ZFR: variants seen among roughly 807,000 people sequenced by gnomAD.
ZFR encodes zinc finger RNA binding protein, also known as zinc finger RNA-binding protein.
A neutral mutation model predicts 130.7 loss-of-function variants in ZFR; 19 were observed. The observed-to-expected ratio is 0.15, with a 90% confidence interval of 0.10 to 0.21. The LOEUF is 0.21. ZFR is among the 10% of genes least tolerant of loss of function. The pLI is 1.00. For missense variants in ZFR, 872 were observed against 1,321.5 expected (o/e 0.66, Z 5.27); for synonymous variants, 466 against 456.9 (o/e 1.02, Z -0.25).
chr5:32,428,487 T>A (rs1465120513), intron 2 of ZFR, among the ~76,000 whole-genome samples: 1 of 152,090 alleles, frequency 6.6e-6, no homozygotes, highest in African/African-American at 2.4e-5. Context: ...GACAGGAGGA[T>A]CACTTGAGCC....
At chr5:32,432,730 T>C (rs1246909185) in intron 2 of ZFR, among the ~76,000 whole-genome samples, 1 of 152,084 alleles carries the variant, frequency 6.6e-6, no homozygotes, top group Non-Finnish European at 1.5e-5. Flanking sequence ...AATTTAAATT[T>C]AGGTTCCATT....
chr5:32,379,255 T>C (rs2111706509), intron 16 of ZFR, 45 bp from the exon 17 acceptor site: 1 of 1,513,686 alleles, frequency 6.6e-7, no homozygotes, highest in East Asian at 2.3e-5. Flanking sequence ...TTAGAAATAC[T>C]GAATATATCC....
In ZFR at chr5:32,400,136, A is replaced by T; in HGVS notation, c.1584T>A (p.Ser528Arg). 6.2e-7 allele frequency: 1 copy of T among 1,613,056 alleles called. No individual in the cohort carries two copies. The highest frequency in any genetic ancestry group is 1.1e-5 in the South Asian group (1 of 90,936). Residue 528 changes from serine to arginine, a missense_variant, in exon 9 of 20, where the codon AGT (serine) becomes AGA (arginine). By Grantham distance (110) the Ser-to-Arg change is moderately radical. Transcript: ENST00000265069. ...EDIKGTECVK[S>R]TPVTSAVQIP... ...TCTGCACAGCAGAAGTGACAGGAGT[A>T]CTTTTAACACATTCGGTTCCTTTTA...
At chr5:32,358,138 G>A (rs181952421) in intron 19 of ZFR, among the ~76,000 whole-genome samples, 4 of 152,272 alleles carry the variant, frequency 2.6e-5, no homozygotes, top group Non-Finnish European at 5.9e-5. Flanking sequence ...TGGAAGGATC[G>A]CTTAAGTCAG....
At chr5:32,383,219 T>C (rs1029474067) in intron 15 of ZFR, among the ~76,000 whole-genome samples, 2 of 152,198 alleles carry the variant, frequency 1.3e-5, no homozygotes. Flanking sequence ...AGGCTCTGCA[T>C]CCAAAATCCC....
chr5:32,396,657 G>C (rs781768760), intron 10 of ZFR, among the ~76,000 whole-genome samples: 1 of 151,980 alleles, frequency 6.6e-6, no homozygotes, highest in South Asian at 2.1e-4. Context: ...AGAAATGCCT[G>C]AACAGGGACC....
chr5:32,365,752 G>C (rs1159580085), intron 17 of ZFR, among the ~76,000 whole-genome samples: 2 of 151,678 alleles, frequency 1.3e-5, no homozygotes, highest in African/African-American at 4.8e-5. Flanking sequence ...TGGGACAACA[G>C]GCGCAGCCAC....
chr5:32,391,205 T>TA (rs1446961639), intron 11 of ZFR, among the ~76,000 whole-genome samples: 2 of 152,226 alleles, frequency 1.3e-5, no homozygotes, highest in Non-Finnish European at 2.9e-5. Context: ...GTCCACACAG[T>TA]ATACACCCTA....
At position 32,364,148 on chromosome 5, in the gene ZFR, A is replaced by G. The variant is rs776101027; in HGVS notation, c.2947+16T>C. ...TAAACTTCATTTTACTTCATTAAAA[A>G]CAAAGTAAGAGTTACCTTTAAGAAT... is the stretch of plus-strand genomic sequence containing the variant. On this transcript the variant is annotated intron_variant, in intron 18 of 19. Transcript: ENST00000265069. 6.2e-7 allele frequency: 1 copy of G among 1,603,876 alleles called. No homozygotes were observed. Among genetic ancestry groups the G allele is most frequent in the Admixed American group, 1.7e-5 (1 of 58,958 alleles).
chr5:32,356,003 A>G, intron 19 of ZFR, 64 bp from the exon 20 acceptor site: 1 of 1,302,412 alleles, frequency 7.7e-7, no homozygotes, highest in Non-Finnish European at 1.0e-6. Context: ...TACTTACTAC[A>G]TTTACCTCCC....
At chr5:32,436,291 G>C (rs562572882) in intron 2 of ZFR, among the ~76,000 whole-genome samples, 2 of 151,618 alleles carry the variant, frequency 1.3e-5, no homozygotes, top group Non-Finnish European at 2.9e-5. Flanking sequence ...TGGGACTACA[G>C]GCGCCCACCA....
chr5:32,427,170 C>A (rs1183756808), intron 2 of ZFR, among the ~76,000 whole-genome samples: 2 of 151,842 alleles, frequency 1.3e-5, no homozygotes, highest in Admixed American at 6.6e-5. Flanking sequence ...AGCCTGTAAT[C>A]CTAGCACTTT....
chr5:32,380,602 T>A (rs964350429), intron 15 of ZFR, among the ~76,000 whole-genome samples: 1 of 151,140 alleles, frequency 6.6e-6, no homozygotes, highest in Admixed American at 6.6e-5. Flanking sequence ...GAATGCTCAA[T>A]ATAGTTACAG....
chr5:32,366,092 AG>A (rs1453250017), intron 17 of ZFR, among the ~76,000 whole-genome samples: 1 of 152,194 alleles, frequency 6.6e-6, no homozygotes, highest in Non-Finnish European at 1.5e-5. Flanking sequence ...CCACTTGCCT[AG>A]TACAAGTAGC....
intron 8 of ZFR, 122 bp downstream of exon 8, chr5:32,402,984 A>G (rs1753494208): frequency 5.3e-6 from 5 of 943,488 alleles, no homozygotes; most frequent in Non-Finnish European, 7.9e-6. Flanking sequence ...ATGTGAAGAA[A>G]CAAGGTCCCA....
chr5:32,360,775 A>C (rs1752415421), intron 19 of ZFR, among the ~76,000 whole-genome samples: 1 of 151,988 alleles, frequency 6.6e-6, no homozygotes, highest in South Asian at 2.1e-4. Flanking sequence ...CCTTTTTTTA[A>C]GCGATGAGGT....
At chr5:32,397,441 T>C (rs977413737) in intron 9 of ZFR, 103 bp from the exon 10 acceptor site, 66 of 1,403,714 alleles carry the variant, frequency 4.7e-5, no homozygotes, top group Non-Finnish European at 6.0e-5. Flanking sequence ...TAGAAAGAAG[T>C]GGCAATGTCT....
chr5:32,431,781 A>AAAAGACAAACTTCCTCACAGAATCACCCC (rs1166057817), intron 2 of ZFR, among the ~76,000 whole-genome samples: 12 of 151,998 alleles, frequency 7.9e-5, no homozygotes, highest in Non-Finnish European at 1.8e-4. Flanking sequence ...AAAAAAAAAA[A>AAAAGACAAACTTCCTCACAGAATCACCCC]AAAGACAAAC....
At chr5:32,358,727 A>AG (rs894391680) in intron 19 of ZFR, among the ~76,000 whole-genome samples, 14 of 151,342 alleles carry the variant, frequency 9.3e-5, no homozygotes, top group African/African-American at 3.4e-4. Flanking sequence ...AAAAAAGGGG[A>AG]GGGGGGAAGT....
Sources: gnomAD v4.1 joint callset for allele counts (sites outside exome capture counted in the v4.1 genomes callset) on GRCh38, gnomAD v4.1.1 for gene constraint, MANE v1.5 for transcripts, NCBI Gene and HGNC (gene_info 2026-07-23, HGNC 2026-07-21) for gene names.